Variants in PSAP observed in about 807,000 individuals in gnomAD.
The protein encoded by PSAP is precursor of saposins.
In PSAP, 25 loss-of-function variants were observed where a neutral mutation model predicts 66.0. That is an observed-to-expected ratio of 0.38 (90% CI 0.28 to 0.53). The LOEUF (loss-of-function observed/expected upper bound fraction) is 0.53, where lower values mean the gene tolerates loss of function less well. Among genes scored for constraint, PSAP ranks in the 20% least tolerant of loss-of-function variants. The probability of loss-of-function intolerance (pLI) is 0.83; values close to 1 mark genes in which losing one functional copy is unlikely to be tolerated. For synonymous variants in PSAP, 273 were observed against 258.9 expected (o/e 1.05, Z -0.52); for missense variants, 649 against 668.8 (o/e 0.97, Z 0.33).
intron 1 of PSAP, among the ~76,000 whole-genome samples, chr10:71,847,165 C>T (rs566801121): frequency 1.3e-5 from 2 of 152,160 alleles, no homozygotes; most frequent in South Asian, 2.1e-4. Context: ...CTCAAAACAA[C>T]CTGTCAGGGC....
chr10:71,846,993 T>C (rs1419327349), intron 1 of PSAP, among the ~76,000 whole-genome samples: 2 of 152,112 alleles, frequency 1.3e-5, no homozygotes, highest in Non-Finnish European at 2.9e-5. Context: ...TAGGTGCTGT[T>C]CCCAGCCAGC....
intron 1 of PSAP, among the ~76,000 whole-genome samples, chr10:71,836,986 C>A (rs1258129567): frequency 6.6e-6 from 1 of 152,226 alleles, no homozygotes; most frequent in Non-Finnish European, 1.5e-5. Context: ...TACAAACTGA[C>A]TGTCACTTCC....
chr10:71,844,283 T>C (rs1257861392), intron 1 of PSAP, among the ~76,000 whole-genome samples: 1 of 152,366 alleles, frequency 6.6e-6, no homozygotes, highest in East Asian at 1.9e-4. Context: ...ATGTTTTCCA[T>C]GTACACAAGG....
intron 7 of PSAP, chr10:71,824,036 C>T: frequency 1.7e-6 from 1 of 580,500 alleles, no homozygotes; most frequent in South Asian, 1.5e-5. Context: ...AATGCTCTTG[C>T]AATCAGATCT....
At chr10:71,821,353 C>T (rs1415287134) in intron 8 of PSAP, among the ~76,000 whole-genome samples, 5 of 152,344 alleles carry the variant, frequency 3.3e-5, no homozygotes, top group African/African-American at 9.6e-5. Context: ...AACATGCTGC[C>T]TGACCCATAA....
At position 71,835,253 on chromosome 10, in the gene PSAP, A is replaced by T. The variant is rs183720243; in HGVS notation, c.41-748T>A. On this transcript the variant is annotated intron_variant, in intron 1 of 13. Transcript: ENST00000394936. ...AAATAAATAAATAAATAAATAAAAT[A>T]AAAATTAAAATTAAAAAAAATTCAT... 3.2e-3 allele frequency among the ~76,000 whole-genome samples: 485 copies of T among 151,650 alleles called. 4 individuals carry two copies. Among genetic ancestry groups the T allele is most frequent in the African/African-American group, 9.9e-3 (412 of 41,448 alleles).
chr10:71,851,237 C>T lies in PSAP; in HGVS notation c.-16G>A. 6.4e-7 allele frequency: 1 copy of T among 1,550,930 alleles called. No individual in the cohort carries two copies. On this transcript the variant is annotated 5_prime_UTR_variant, in exon 1 of 14. Transcript: ENST00000394936. The stretch of plus-strand genomic sequence containing the variant: ...GGGCGTACATAGCGCCGTCTGACTC[C>T]GCAGTCTGCAATGCGGAGCGTCAGC...
In PSAP at chr10:71,828,000, G is replaced by A; in HGVS notation, c.720+14C>T. 6.2e-7 allele frequency: 1 copy of A among 1,614,044 alleles called. No homozygotes were observed. The highest frequency in any genetic ancestry group is 1.1e-5 in the South Asian group (1 of 91,074). ...GCCCAGAACATCCCCAATGCACAAG[G>A]ACACAAGGCTCACTATGTCGGCCAT... On this transcript the variant is annotated intron_variant, in intron 6 of 13. Transcript: ENST00000394936.
intron 8 of PSAP, 77 bp from the exon 9 acceptor site, chr10:71,820,412 G>C: frequency 8.1e-7 from 1 of 1,237,564 alleles, no homozygotes; most frequent in Middle Eastern, 1.9e-4. Flanking sequence ...AAAGGAAAGG[G>C]GACACAGAGA....
Position 71,821,980 on chromosome 10 carries a change from C to T in PSAP, c.805G>A (p.Gly269Arg), listed in dbSNP as rs1842309823. 1 of 1,614,170 alleles carries T rather than the reference C, an allele frequency of 6.2e-7. No homozygotes were observed. The highest frequency in any genetic ancestry group is 8.5e-7 in the Non-Finnish European group (1 of 1,180,028). Residue 269 changes from glycine to arginine, a missense_variant, in exon 8 of 14, where the codon GGG becomes AGG. Transcript: ENST00000394936. The stretch of plus-strand genomic sequence containing the variant: ...ATCTCTTTCACCTCATCACAGAACC[C>T]AACCAGCGCACAGATCTCCTTGGGT... ...MQPKEICALVGFCDEVKEMPM... is the reference protein window; with the variant it reads ...MQPKEICALVRFCDEVKEMPM...
At chr10:71,834,947 G>A (rs975073590) in intron 1 of PSAP, among the ~76,000 whole-genome samples, 1 of 152,016 alleles carries the variant, frequency 6.6e-6, no homozygotes, top group Non-Finnish European at 1.5e-5. Flanking sequence ...TTTTAAAAAA[G>A]AAAAACAGGC....
intron 4 of PSAP, among the ~76,000 whole-genome samples, chr10:71,829,661 T>C (rs10740391): frequency 0.41 from 62,743 of 151,838 alleles, 13,354 homozygotes; most frequent in East Asian, 0.63. Context: ...AACGGACTAA[T>C]ACAGGCTTCC....
chr10:71,817,327 G>T lies in PSAP; in HGVS notation c.*114C>A. The T allele has an allele frequency of 8.7e-7, 1 of 1,154,566 alleles. No individual in the cohort carries two copies. Among genetic ancestry groups the T allele is most frequent in the Non-Finnish European group, 1.3e-6 (1 of 764,312 alleles). The allele number at this position is 1,154,566 out of a possible 1,614,324, so 71.5% of individuals were successfully genotyped here. On this transcript the variant is annotated 3_prime_UTR_variant, in exon 14 of 14. Coordinates refer to ENST00000394936, the MANE Select transcript of PSAP (RefSeq NM_002778.4). ...AAAGGACACAGAAATGGGGGAGGTG[G>T]GGGAGCCCTATTTTTATAACAAAGT...
intron 1 of PSAP, among the ~76,000 whole-genome samples, chr10:71,838,512 C>A (rs1274569663): frequency 1.3e-5 from 2 of 152,222 alleles, no homozygotes; most frequent in Non-Finnish European, 2.9e-5. Context: ...CTCCAGACCA[C>A]AGATCTCTGA....
chr10:71,835,911 C>A (rs1179139538), intron 1 of PSAP, among the ~76,000 whole-genome samples: 2 of 151,774 alleles, frequency 1.3e-5, no homozygotes, highest in African/African-American at 4.9e-5. Context: ...CCTCTGTAAG[C>A]CAATTCTACA....
rs377024801 is a variant in PSAP, at chr10:71,831,868, A to T, written c.227T>A (p.Met76Lys). Residue 76 changes from methionine to lysine, a missense_variant, in exon 3 of 14, where the codon ATG becomes AAG. By Grantham distance (95) the Met-to-Lys change is moderately conservative. Transcript: ENST00000394936. ...CKDVVTAAGD[M>K]LKDNATEEEI... ...CACCTCAGTGGCATTGTCCTTCAGCATATCACCAGCTGCGGTGACAACGTC... is the reference window on the plus strand; with the variant it reads ...CACCTCAGTGGCATTGTCCTTCAGCTTATCACCAGCTGCGGTGACAACGTC... 1.1e-5 allele frequency: 18 copies of T among 1,613,958 alleles called. No individual in the cohort carries two copies. The highest frequency in any genetic ancestry group is 2.5e-6 in the Non-Finnish European group (3 of 1,180,024).
chr10:71,818,375 C>CA lies in PSAP; in HGVS notation c.1539+241dup, dbSNP rs147455651. On this transcript the variant is annotated intron_variant, in intron 13 of 13. Coordinates refer to ENST00000394936, the MANE Select transcript of PSAP (RefSeq NM_002778.4). ...GAAGACAAAAGCAACAAAGCAGAAG[C>CA]AAAAAAATACTAAAAAAAATAAATA... Among the ~76,000 whole-genome samples the CA allele has an allele frequency of 0.096, 14,605 of 152,000 alleles. 971 individuals carry two copies. Among genetic ancestry groups the CA allele is most frequent in the Non-Finnish European group, 0.14 (9,344 of 67,966 alleles).
intron 8 of PSAP, among the ~76,000 whole-genome samples, chr10:71,821,065 G>A (rs1451661959): frequency 6.6e-6 from 1 of 152,232 alleles, no homozygotes; most frequent in African/African-American, 2.4e-5. Context: ...TGGTCAGCAG[G>A]CTGGAGCTGA....
rs1760969218 is a variant in PSAP at position 71,827,298 on chromosome 10, C to T, written c.720+716G>A. ...CTTGTAGTCCCAGCTACTCAGGAGG[C>T]TGAGGCAGGAGAATGGCGTGAACCC... On this transcript the variant is annotated intron_variant, in intron 6 of 13. Transcript: ENST00000394936. Among the ~76,000 whole-genome samples the T allele has an allele frequency of 1.3e-5, 2 of 151,702 alleles. 1 individual carries two copies. The highest frequency in any genetic ancestry group is 4.2e-4 in the South Asian group (2 of 4,810).
Sources: allele counts gnomAD v4.1 joint callset (sites outside exome capture counted in the v4.1 genomes callset), GRCh38; gene constraint gnomAD v4.1.1; transcripts MANE v1.5; gene names NCBI Gene and HGNC (gene_info 2026-07-23, HGNC 2026-07-21).